TENM2: variants seen among roughly 807,000 people sequenced by gnomAD.
TENM2 encodes teneurin transmembrane protein 2, also known as teneurin-2.
A neutral mutation model predicts 245.2 loss-of-function variants in TENM2; 52 were observed. The ratio of observed to expected loss-of-function variants is 0.21; its 90% CI spans 0.17 to 0.27. The LOEUF is 0.27. Ranked by LOEUF, TENM2 falls within the 10% of genes least tolerant of loss-of-function variation. The pLI is 1.00. For synonymous variants in TENM2, 1,363 were observed against 1,438.9 expected, an observed-to-expected ratio of 0.95 and a Z score of 1.19; for missense variants, 3,046 against 3,666.8, an observed-to-expected ratio of 0.83 and a Z score of 4.37.
chr5:168,059,100 A>G (rs932712839), intron 6 of TENM2, among the ~76,000 whole-genome samples: 1 of 152,200 alleles, frequency 6.6e-6, no homozygotes, highest in African/African-American at 2.4e-5. Context: ...CCTAAGGGGC[A>G]CTGTGACTAC....
intron 2 of TENM2, among the ~76,000 whole-genome samples, chr5:167,491,908 A>T (rs889500506): frequency 2.0e-5 from 3 of 152,178 alleles, no homozygotes; most frequent in African/African-American, 4.8e-5. Flanking sequence ...TAGCCATGGC[A>T]ATATTATCTC....
At chr5:167,356,275 G>C (rs966942280) in intron 1 of TENM2, among the ~76,000 whole-genome samples, 1 of 150,106 alleles carries the variant, frequency 6.7e-6, no homozygotes, top group Non-Finnish European at 1.5e-5. Context: ...TCTATTCTCA[G>C]CTCTGTCAGA....
intron 2 of TENM2, among the ~76,000 whole-genome samples, chr5:167,792,036 AAG>A (rs1765014010): frequency 6.6e-6 from 1 of 152,160 alleles, no homozygotes; most frequent in Non-Finnish European, 1.5e-5. Flanking sequence ...TCCTGTGGTA[AAG>A]AGGAGAGTAA....
exon 4 of TENM2, chr5:167,952,699 T>C: frequency 6.2e-7 from 1 of 1,611,648 alleles, no homozygotes; most frequent in Non-Finnish European, 8.5e-7. Context: ...AGGAACTCAC[T>C]GACCAATCGG....
At chr5:167,576,117 G>C (rs1250150343) in intron 2 of TENM2, among the ~76,000 whole-genome samples, 1 of 152,132 alleles carries the variant, frequency 6.6e-6, no homozygotes, top group Non-Finnish European at 1.5e-5. Context: ...TTGCGACTTG[G>C]CTATTTGCCT....
chr5:167,127,626 TTTA>T, the TENM2 span, among the ~76,000 whole-genome samples: 4 of 148,884 alleles, frequency 2.7e-5, no homozygotes, highest in African/African-American at 1.0e-4. Context: ...TTTTTTTTTT[TTTA>T]AAAAAAAAAA....
At chr5:167,545,379 T>C (rs1772489157) in intron 2 of TENM2, among the ~76,000 whole-genome samples, 1 of 152,180 alleles carries the variant, frequency 6.6e-6, no homozygotes, top group African/African-American at 2.4e-5. Flanking sequence ...CTTTTAAAAA[T>C]AGTCTATGAA....
At chr5:167,714,260 C>T (rs773784151) in intron 2 of TENM2, among the ~76,000 whole-genome samples, 3 of 152,196 alleles carry the variant, frequency 2.0e-5, no homozygotes, top group African/African-American at 4.8e-5. Context: ...CCCCATGGTG[C>T]GGTTTTCTTT....
intron 2 of TENM2, among the ~76,000 whole-genome samples, chr5:167,832,998 G>A (rs965641300): frequency 2.0e-5 from 3 of 152,032 alleles, no homozygotes; most frequent in South Asian, 2.1e-4. Context: ...ATTCAGAGTG[G>A]TTCTATCTAG....
At chr5:168,061,932 C>G in intron 6 of TENM2, 128 bp from the exon 9 acceptor site, 1 of 845,894 alleles carries the variant, frequency 1.2e-6, no homozygotes, top group Non-Finnish European at 1.8e-6. Flanking sequence ...TAAAAAGAAA[C>G]TTGCCATGAG....
At chr5:168,242,442 T>C (rs776662609) in intron 25 of TENM2, among the ~76,000 whole-genome samples, 19 of 152,152 alleles carry the variant, frequency 1.2e-4, no homozygotes, top group Non-Finnish European at 2.4e-4. Flanking sequence ...GCTGGTGAAG[T>C]GTATAAGAAG....
In TENM2 at chr5:167,475,794, C is replaced by G. The variant is rs1721385955; in HGVS notation, c.502+100321C>G. ...TTAGTTTGCTGAGGATGATGACTTC[C>G]AGCTTCAGCCATGTCCCTGCAAAGG... On this transcript the variant is annotated intron_variant, in intron 2 of 28. Transcript: ENST00000518659. Among the ~76,000 whole-genome samples, 5 of 152,164 alleles carry G rather than the reference C, an allele frequency of 3.3e-5. No homozygotes were observed. In the South Asian group the frequency reaches 1.0e-3, roughly 32 times the overall value.
chr5:168,005,738 T>A (rs942870676), intron 5 of TENM2, among the ~76,000 whole-genome samples: 1 of 152,078 alleles, frequency 6.6e-6, no homozygotes, highest in Non-Finnish European at 1.5e-5. Flanking sequence ...ATAGAAAAAA[T>A]TCTTTGTGTT....
chr5:168,258,874 A>T lies in TENM2; in HGVS notation c.7433-1409A>T, dbSNP rs148279232. On this transcript the variant is annotated intron_variant, in intron 27 of 28. Coordinates refer to ENST00000518659, the Ensembl canonical transcript of TENM2. ...ATGGTGAATTTTATATGAGTTTTACATTTTTTTTTTTAAAGGGAAATGATT... is the reference window on the plus strand; with the variant it reads ...ATGGTGAATTTTATATGAGTTTTACTTTTTTTTTTTTAAAGGGAAATGATT... 2.9e-3 allele frequency among the ~76,000 whole-genome samples: 424 copies of T among 148,296 alleles called. 1 individual carries two copies. Among genetic ancestry groups the T allele is most frequent in the African/African-American group, 0.01 (407 of 40,682 alleles).
chr5:168,166,191 G>A lies in TENM2; in HGVS notation c.2569+3434G>A, dbSNP rs140346941. ...ATGTGAGTTTATAAACCTGGCAGTG[G>A]GTCAGAGAGGCACCCGGGCAGAACA... On this transcript the variant is annotated intron_variant, in intron 13 of 28. Transcript: ENST00000518659. Among the ~76,000 whole-genome samples, 1,294 of 152,186 alleles carry A rather than the reference G, an allele frequency of 8.5e-3. 6 individuals carry two copies. The highest frequency in any genetic ancestry group is 0.014 in the Non-Finnish European group (925 of 68,014).
At chr5:167,653,223 T>C (rs1754595716) in intron 2 of TENM2, 3 of 151,818 alleles carry the variant, frequency 2.0e-5, no homozygotes, top group Non-Finnish European at 2.9e-5. Context: ...TGATGGAAAA[T>C]AGAGTAACAG....
chr5:168,173,312 T>C (rs912588474), intron 13 of TENM2, among the ~76,000 whole-genome samples: 4 of 152,188 alleles, frequency 2.6e-5, no homozygotes, highest in African/African-American at 9.7e-5. Flanking sequence ...CCTGGTTTCC[T>C]GGCTCAAAAT....
At chr5:167,586,135 A>G (rs1775475759) in intron 2 of TENM2, among the ~76,000 whole-genome samples, 1 of 150,572 alleles carries the variant, frequency 6.6e-6, no homozygotes, top group Non-Finnish European at 1.5e-5. Context: ...ACAAAAAAAT[A>G]CAAAGTAAGA....
the TENM2 span, among the ~76,000 whole-genome samples, chr5:166,999,896 C>G: frequency 6.6e-6 from 1 of 151,978 alleles, no homozygotes; most frequent in Middle Eastern, 3.2e-3. Flanking sequence ...AGGAATAGAG[C>G]TGGAGATGGA....
Sources: allele counts gnomAD v4.1 joint callset (sites outside exome capture counted in the v4.1 genomes callset), GRCh38; gene constraint gnomAD v4.1.1; transcripts MANE v1.5; gene names NCBI Gene and HGNC (gene_info 2026-07-23, HGNC 2026-07-21).